Variants in AZI2 observed in about 807,000 individuals in gnomAD.
AZI2 encodes 5-azacytidine-induced protein 2.
Under a neutral mutation model 45.8 loss-of-function variants are expected in AZI2, and 22 were observed. The observed-to-expected ratio is 0.48, with a 90% CI of 0.34 to 0.69. The LOEUF (loss-of-function observed/expected upper bound fraction) is 0.69. AZI2 is among the 30% of genes least tolerant of loss of function. The probability of loss-of-function intolerance (pLI) is 0.01; values close to 1 mark genes in which losing one functional copy is unlikely to be tolerated. For missense variants in AZI2, 417 were observed against 441.5 expected (o/e 0.94, Z 0.50); for synonymous variants, 137 against 156.7 (o/e 0.87, Z 0.94).
At chr3:28,339,980 GA>G (rs1422394817) in intron 2 of AZI2, among the ~76,000 whole-genome samples, 4 of 152,108 alleles carry the variant, frequency 2.6e-5, no homozygotes, top group Admixed American at 2.6e-4. Context: ...AGAAGAGAAA[GA>G]ATGTTGAAGT....
Position 28,337,974 on chromosome 3 carries a change from T to A in AZI2, c.402A>T (p.Glu134Asp). The change falls in exon 4 of 8, where the codon GAA becomes GAT. Residue 134 changes from glutamate (E) to aspartate (D), a missense_variant. By Grantham distance (45) the Glu-to-Asp change is conservative. Coordinates refer to ENST00000479665, the MANE Select transcript of AZI2 (RefSeq NM_022461.5). ...LNEQLQSKEV[E>D]LLQLRTEVET... ...CCACCTCTGTCCTCAGCTGGAGGAG[T>A]TCTACTTCTTTAGATTGTAGCTGCT... 6.2e-7 allele frequency: 1 copy of A among 1,602,340 alleles called. No homozygotes were observed. Among genetic ancestry groups the A allele is most frequent in the Non-Finnish European group, 8.5e-7 (1 of 1,173,580 alleles).
intron 6 of AZI2, among the ~76,000 whole-genome samples, chr3:28,330,962 G>A (rs1703546130): frequency 6.6e-6 from 1 of 151,344 alleles, no homozygotes; most frequent in African/African-American, 2.4e-5. Flanking sequence ...TTACAGCTTT[G>A]CAGCCTTGAA....
At chr3:28,326,540 T>C (rs1390030399) in intron 7 of AZI2, 2 of 225,910 alleles carry the variant, frequency 8.9e-6, no homozygotes, top group Non-Finnish European at 1.7e-5. Context: ...AAAGGTCAAC[T>C]AGAGCAAACT....
chr3:28,336,449 G>A (rs1294290151), intron 5 of AZI2, among the ~76,000 whole-genome samples: 1 of 151,946 alleles, frequency 6.6e-6, no homozygotes, highest in East Asian at 1.9e-4. Context: ...GAAATTGAAG[G>A]AAAGAGAGTC....
intron 1 of AZI2, among the ~76,000 whole-genome samples, chr3:28,342,090 A>G (rs914306383): frequency 2.6e-5 from 4 of 152,072 alleles, no homozygotes; most frequent in African/African-American, 7.2e-5. Flanking sequence ...TTCAGATCAC[A>G]TGAATACTAA....
chr3:28,344,600 C>G (rs1479814440), intron 1 of AZI2, among the ~76,000 whole-genome samples: 1 of 151,966 alleles, frequency 6.6e-6, no homozygotes, highest in Non-Finnish European at 1.5e-5. Flanking sequence ...GTGTGTGTAT[C>G]CAAATCAGCT....
At chr3:28,345,802 A>T (rs1174206736) in intron 1 of AZI2, among the ~76,000 whole-genome samples, 3 of 152,130 alleles carry the variant, frequency 2.0e-5, no homozygotes, top group Admixed American at 2.0e-4. Flanking sequence ...AGTTTGGGAT[A>T]CTAGAAAACA....
In AZI2 at chr3:28,340,253, A is replaced by G. The variant is rs1348638652; in HGVS notation, c.216+149T>C. On this transcript the variant is annotated intron_variant, in intron 2 of 7. Coordinates refer to ENST00000479665, the MANE Select transcript of AZI2 (RefSeq NM_022461.5). Reference sequence around the variant, plus strand: ...ATGGTATGTGAAACACAGGATAAGTATAATGCCCAGAGTTTTCAGATTAGC... The same window carrying G: ...ATGGTATGTGAAACACAGGATAAGTGTAATGCCCAGAGTTTTCAGATTAGC... The G allele has an allele frequency of 8.3e-6, 5 of 601,128 alleles. No individual in the cohort carries two copies. In the Admixed American group the frequency reaches 9.0e-5, roughly 11 times the overall value. 37.2% of individuals were successfully genotyped at this position (601,128 alleles called of 1,614,324 possible). A position where few individuals can be genotyped will look rare whatever the true frequency, so the allele number is the denominator to read the frequency against.
rs765087629 is a variant in AZI2 at position 28,323,766 on chromosome 3, T to G, written c.*276A>C. The G allele has an allele frequency of 2.4e-5, 6 of 247,078 alleles. No homozygotes were observed. The highest frequency in any genetic ancestry group is 1.6e-4 in the South Asian group (1 of 6,282). 15.3% of individuals were successfully genotyped at this position (247,078 alleles called of 1,614,324 possible). ...GAGAGGCAAAATTTTACAATTAATA[T>G]AGAAGGCAGAGTTTTTTAAACACCT... On this transcript the variant is annotated 3_prime_UTR_variant, in exon 8 of 8. Transcript: ENST00000479665.
At position 28,340,564 on chromosome 3, in the gene AZI2, A is replaced by C; in HGVS notation, c.54T>G (p.His18Gln). Residue 18 changes from histidine to glutamine, a missense_variant, in exon 2 of 8, where the codon CAT (histidine) becomes CAG (glutamine). Transcript: ENST00000479665. ...DICILNHEKA[H>Q]KRDTVTPVSI... ...AAACTGGAGTCACTGTATCTCTCTT[A>C]TGGGCTTTTTCATGATTCAGAATAC... 6.2e-7 allele frequency: 1 copy of C among 1,613,146 alleles called. No homozygotes were observed. The highest frequency in any genetic ancestry group is 1.7e-4 in the Middle Eastern group (1 of 6,056).
chr3:28,340,662 C>T (rs1703978805), intron 1 of AZI2, 40 bp from the exon 2 acceptor site: 2 of 1,473,366 alleles, frequency 1.4e-6, no homozygotes, highest in African/African-American at 1.4e-5. Flanking sequence ...AAATGTCTCA[C>T]TGAATAAGTG....
intron 7 of AZI2, 139 bp from the exon 8 acceptor site, chr3:28,324,593 G>A: frequency 1.5e-6 from 1 of 670,608 alleles, no homozygotes; most frequent in Non-Finnish European, 2.2e-6. Flanking sequence ...GAGGCACTGT[G>A]ACTAGGAGAT....
At chr3:28,329,524 G>C (rs1703500136) in intron 6 of AZI2, among the ~76,000 whole-genome samples, 1 of 151,152 alleles carries the variant, frequency 6.6e-6, no homozygotes, top group African/African-American at 2.4e-5. Flanking sequence ...TGCTTACAAA[G>C]TGTAACAGCT....
At chr3:28,346,626 T>C (rs1704241143) in intron 1 of AZI2, among the ~76,000 whole-genome samples, 1 of 152,114 alleles carries the variant, frequency 6.6e-6, no homozygotes, top group Admixed American at 6.5e-5. Flanking sequence ...AAGTAAATCA[T>C]ATTTAGAATT....
chr3:28,323,907 T>C lies in AZI2; in HGVS notation c.*135A>G. On this transcript the variant is annotated 3_prime_UTR_variant, in exon 8 of 8. Transcript: ENST00000479665. ...TGTTGGTTTTTGTACTATTGTACAG[T>C]GTGTTCAAATATAGATACTGAAGAC... 2.1e-6 allele frequency: 2 copies of C among 966,422 alleles called. No homozygotes were observed. Among genetic ancestry groups the C allele is most frequent in the East Asian group, 2.6e-5 (1 of 38,858 alleles). The allele number at this position is 966,422 out of a possible 1,614,324, so 59.9% of individuals were successfully genotyped here. A position where few individuals can be genotyped will look rare whatever the true frequency, so the allele number is the denominator to read the frequency against.
intron 5 of AZI2, among the ~76,000 whole-genome samples, chr3:28,332,939 G>A (rs1457786099): frequency 4.6e-5 from 7 of 151,730 alleles, no homozygotes; most frequent in African/African-American, 1.7e-4. Context: ...ACCTGGCAAG[G>A]ACATCATAAA....
At chr3:28,325,431 A>T (rs1448619541) in intron 7 of AZI2, among the ~76,000 whole-genome samples, 1 of 151,004 alleles carries the variant, frequency 6.6e-6, no homozygotes, top group Non-Finnish European at 1.5e-5. Context: ...CTGGAAGTGT[A>T]GTGTTTGGCT....
At chr3:28,346,585 T>C (rs940153874) in intron 1 of AZI2, among the ~76,000 whole-genome samples, 5 of 152,128 alleles carry the variant, frequency 3.3e-5, no homozygotes, top group Admixed American at 2.0e-4. Flanking sequence ...AAGGCCTATA[T>C]GGTAGGCTCT....
intron 6 of AZI2, among the ~76,000 whole-genome samples, chr3:28,330,268 G>A (rs1033175174): frequency 1.3e-5 from 2 of 151,074 alleles, no homozygotes; most frequent in African/African-American, 4.8e-5. Flanking sequence ...TAATTAAAAG[G>A]TTCACTCTAT....
Sources: gnomAD v4.1 joint callset for allele counts (sites outside exome capture counted in the v4.1 genomes callset) on GRCh38, gnomAD v4.1.1 for gene constraint, MANE v1.5 for transcripts, NCBI Gene and HGNC (gene_info 2026-07-23, HGNC 2026-07-21) for gene names.